RALGPS1: variants seen among roughly 807,000 people sequenced by gnomAD.
RALGPS1 encodes the protein ras-specific guanine nucleotide-releasing factor RalGPS1.
RALGPS1 carries 19 observed loss-of-function variants against 78.8 expected under a neutral mutation model. That is an observed-to-expected ratio of 0.24 (90% CI 0.17 to 0.35). RALGPS1 has a LOEUF of 0.35. RALGPS1 is among the 10% of genes least tolerant of loss of function. The pLI is 1.00. For missense variants in RALGPS1, 454 were observed against 688.3 expected (o/e 0.66, Z 3.81); for synonymous variants, 228 against 256.3 (o/e 0.89, Z 1.06).
intron 1 of RALGPS1, among the ~76,000 whole-genome samples, chr9:126,944,635 TTTAAC>T (rs1819469150): frequency 6.6e-6 from 1 of 152,174 alleles, no homozygotes; most frequent in Admixed American, 6.5e-5. Context: ...TTAATTTTTT[TTTAAC>T]TTTTTATTTT....
chr9:127,184,026 T>C, intron 11 of RALGPS1: 1 of 1,549,058 alleles, frequency 6.5e-7, no homozygotes, highest in Non-Finnish European at 8.7e-7. Flanking sequence ...CCTAGGAATC[T>C]AAGAAATGAT....
At chr9:127,171,091 G>A (rs186351742) in intron 10 of RALGPS1, among the ~76,000 whole-genome samples, 1 of 152,334 alleles carries the variant, frequency 6.6e-6, no homozygotes, top group Non-Finnish European at 1.5e-5. Flanking sequence ...GAGATGTTAT[G>A]CCAAGAGGTC....
At chr9:127,168,870 G>T (rs2059422628) in intron 10 of RALGPS1, 98 bp downstream of exon 10, 2 of 942,046 alleles carry the variant, frequency 2.1e-6, no homozygotes. Flanking sequence ...TGGGACCAGT[G>T]AGTAGCCACC....
intron 8 of RALGPS1, among the ~76,000 whole-genome samples, chr9:127,097,534 C>A (rs117073259): frequency 6.6e-6 from 1 of 152,306 alleles, no homozygotes; most frequent in East Asian, 1.9e-4. Flanking sequence ...ATTAAAGGCA[C>A]CAGTGGCAAA....
intron 3 of RALGPS1, among the ~76,000 whole-genome samples, chr9:126,976,836 C>T (rs559998677): frequency 5.3e-5 from 8 of 152,306 alleles, no homozygotes; most frequent in African/African-American, 1.7e-4. Context: ...GTAGGTGGAT[C>T]ACGTGAAGTC....
At chr9:126,940,510 G>T in intron 1 of RALGPS1, among the ~76,000 whole-genome samples, 1 of 146,762 alleles carries the variant, frequency 6.8e-6, no homozygotes, top group Middle Eastern at 3.3e-3. Context: ...CGCGATCTTG[G>T]CTCACTGCAA....
chr9:127,208,813 A>G (rs1212522813), intron 14 of RALGPS1, among the ~76,000 whole-genome samples: 2 of 152,212 alleles, frequency 1.3e-5, no homozygotes, highest in East Asian at 3.8e-4. Flanking sequence ...CAGTTCCTTC[A>G]AACATCTGTG....
chr9:126,924,854 G>A (rs1404777662), intron 1 of RALGPS1, among the ~76,000 whole-genome samples: 7 of 152,242 alleles, frequency 4.6e-5, no homozygotes, highest in Admixed American at 4.6e-4. Context: ...GGCCGGGCGT[G>A]GTGGCTGACG....
At chr9:127,180,202 G>A (rs1443611850) in intron 11 of RALGPS1, among the ~76,000 whole-genome samples, 2 of 152,238 alleles carry the variant, frequency 1.3e-5, no homozygotes, top group African/African-American at 4.8e-5. Context: ...TAATGTTTGT[G>A]TGTACTTTGG....
At chr9:126,985,392 T>A (rs1164886193) in intron 4 of RALGPS1, among the ~76,000 whole-genome samples, 2 of 152,198 alleles carry the variant, frequency 1.3e-5, no homozygotes, top group African/African-American at 4.8e-5. Context: ...GTTGTAAGCA[T>A]CTGAGATTTG....
intron 14 of RALGPS1, among the ~76,000 whole-genome samples, chr9:127,201,180 T>C (rs945780270): frequency 1.3e-5 from 2 of 152,222 alleles, no homozygotes; most frequent in African/African-American, 2.4e-5. Flanking sequence ...TCACTATCCA[T>C]CTGAATGTCT....
At chr9:127,053,893 G>C (rs1453453947) in intron 7 of RALGPS1, among the ~76,000 whole-genome samples, 4 of 152,212 alleles carry the variant, frequency 2.6e-5, no homozygotes, top group African/African-American at 7.2e-5. Context: ...AACTGGGTTT[G>C]CATTCAGGTG....
rs1056175704 is a variant in RALGPS1, at chr9:126,925,654, C to T, written c.-66+10679C>T. ...GATTGCTTGAGTCCCAGAGTTGAGT[C>T]TAGCTTGGGCAACGTAATGAGACCA... On this transcript the variant is annotated intron_variant, in intron 1 of 18. Coordinates refer to ENST00000259351, the MANE Select transcript of RALGPS1 (RefSeq NM_014636.3). Among the ~76,000 whole-genome samples, 3 of 152,094 alleles carry T rather than the reference C, an allele frequency of 2.0e-5. 1 individual carries two copies. The highest frequency in any genetic ancestry group is 1.3e-4 in the Admixed American group (2 of 15,274).
chr9:126,960,550 C>T (rs2038811181), intron 1 of RALGPS1, among the ~76,000 whole-genome samples: 1 of 152,016 alleles, frequency 6.6e-6, no homozygotes, highest in African/African-American at 2.4e-5. Flanking sequence ...GTTTCTTTGA[C>T]AGCATACTTC....
intron 7 of RALGPS1, among the ~76,000 whole-genome samples, chr9:127,053,983 C>T (rs1217518958): frequency 6.6e-6 from 1 of 152,208 alleles, no homozygotes; most frequent in East Asian, 1.9e-4. Context: ...GGTTTTCCAT[C>T]AGTGCTTCGT....
intron 8 of RALGPS1, among the ~76,000 whole-genome samples, chr9:127,118,420 A>C (rs888112102): frequency 6.6e-6 from 1 of 152,264 alleles, no homozygotes; most frequent in South Asian, 2.1e-4. Context: ...GGTGTTTTAT[A>C]TAAATTCACA....
rs1304620896 is a variant in RALGPS1, at chr9:127,205,051, C to G, written c.1247+5985C>G. On this transcript the variant is annotated intron_variant, in intron 14 of 18. Coordinates refer to ENST00000259351, the MANE Select transcript of RALGPS1 (RefSeq NM_014636.3). This position sits in a 1 kb window ranked among gnomAD's most constrained non-coding sequence, Gnocchi z 4.0. ...TGACTACCGCAGAGGACCTCACTGT[C>G]CCCCACACCTGTGGCTGAGGCCAGG... Among the ~76,000 whole-genome samples the G allele has an allele frequency of 6.6e-6, 1 of 152,222 alleles. No individual in the cohort carries two copies. The highest frequency in any genetic ancestry group is 6.5e-5 in the Admixed American group (1 of 15,286).
In RALGPS1 at chr9:127,223,052, A is replaced by T. The variant is rs922487129; in HGVS notation, c.*4283A>T. 1 of 152,666 alleles carries T rather than the reference A, an allele frequency of 6.6e-6. No individual in the cohort carries two copies. The highest frequency in any genetic ancestry group is 6.5e-5 in the Admixed American group (1 of 15,286). 9.5% of individuals were successfully genotyped at this position (152,666 alleles called of 1,614,324 possible). A position where few individuals can be genotyped will look rare whatever the true frequency, so the allele number is the denominator to read the frequency against. ...AAGTATTTTGTTACCTCAGTCTTGT[A>T]TCAAGTTGCTGTATTTTTCAGCTTG... On this transcript the variant is annotated 3_prime_UTR_variant, in exon 19 of 19. Coordinates refer to ENST00000259351, the MANE Select transcript of RALGPS1 (RefSeq NM_014636.3).
chr9:127,188,986 C>G (rs1305759461), intron 11 of RALGPS1, among the ~76,000 whole-genome samples: 2 of 105,660 alleles, frequency 1.9e-5, no homozygotes, highest in East Asian at 3.0e-4. Context: ...GGCGACAGAG[C>G]AAGACTGTCT....
Sources: allele counts gnomAD v4.1 joint callset (sites outside exome capture counted in the v4.1 genomes callset), GRCh38; gene constraint gnomAD v4.1.1; non-coding constraint Gnocchi (gnomAD v3.1); transcripts MANE v1.5; gene names NCBI Gene and HGNC (gene_info 2026-07-23, HGNC 2026-07-21).